Variants in ADGRB3 observed in about 807,000 individuals in gnomAD.
ADGRB3 encodes brain-specific angiogenesis inhibitor 3.
A neutral mutation model predicts 193.4 loss-of-function variants in ADGRB3; 37 were observed. The ratio of observed to expected loss-of-function variants is 0.19; its 90% CI spans 0.15 to 0.25. The LOEUF (loss-of-function observed/expected upper bound fraction) is 0.25. Among genes scored for constraint, ADGRB3 ranks in the 10% least tolerant of loss-of-function variants. ADGRB3 has a pLI of 1.00. For missense variants in ADGRB3, 1,637 were observed against 1,852.9 expected (o/e 0.88, Z 2.14); for synonymous variants, 690 against 644.2 (o/e 1.07, Z -1.08).
chr6:68,914,325 T>C (rs1294147377), intron 3 of ADGRB3, among the ~76,000 whole-genome samples: 4 of 152,088 alleles, frequency 2.6e-5, no homozygotes, highest in Non-Finnish European at 4.4e-5. Context: ...GGGAAGCCCA[T>C]CAGACTAACA....
At chr6:69,057,010 C>T (rs1448941965) in intron 15 of ADGRB3, among the ~76,000 whole-genome samples, 1 of 151,960 alleles carries the variant, frequency 6.6e-6, no homozygotes, top group Non-Finnish European at 1.5e-5. Flanking sequence ...ACATTTTAAC[C>T]ATATTAAGTC....
chr6:68,847,508 C>A (rs920289679), intron 3 of ADGRB3, among the ~76,000 whole-genome samples: 5 of 152,160 alleles, frequency 3.3e-5, no homozygotes, highest in Non-Finnish European at 7.3e-5. Context: ...TTTTCTCATG[C>A]TATTCTCATG....
chr6:69,303,076 T>C (rs1158750051), intron 20 of ADGRB3, among the ~76,000 whole-genome samples: 1 of 151,886 alleles, frequency 6.6e-6, no homozygotes. Context: ...GAAAACAAAT[T>C]GACATTAGAC....
intron 15 of ADGRB3, among the ~76,000 whole-genome samples, chr6:69,059,952 G>A (rs1771677445): frequency 6.6e-6 from 1 of 151,874 alleles, no homozygotes; most frequent in Non-Finnish European, 1.5e-5. Context: ...TACGAATGAG[G>A]ACATATAAAT....
chr6:69,114,461 C>A (rs1773465077), intron 17 of ADGRB3, among the ~76,000 whole-genome samples: 1 of 152,122 alleles, frequency 6.6e-6, no homozygotes, highest in Non-Finnish European at 1.5e-5. Flanking sequence ...TATAGGCTGC[C>A]TGTTCACTCT....
chr6:68,733,267 A>G (rs570757565), intron 3 of ADGRB3, among the ~76,000 whole-genome samples: 1 of 148,530 alleles, frequency 6.7e-6, no homozygotes. Context: ...AGGAATATGT[A>G]TATATTCCAT....
intron 3 of ADGRB3, among the ~76,000 whole-genome samples, chr6:68,821,013 C>A (rs1183193232): frequency 3.3e-5 from 5 of 152,006 alleles, no homozygotes; most frequent in Non-Finnish European, 5.9e-5. Context: ...CTTCAAATGT[C>A]ACCTTCCTTA....
intron 24 of ADGRB3, among the ~76,000 whole-genome samples, chr6:69,335,831 A>T (rs1038874552): frequency 6.6e-6 from 1 of 152,054 alleles, no homozygotes; most frequent in African/African-American, 2.4e-5. Context: ...TTAAAAACCA[A>T]ATATTGTACC....
chr6:69,024,085 T>C (rs992320179), intron 13 of ADGRB3, among the ~76,000 whole-genome samples: 1 of 152,104 alleles, frequency 6.6e-6, no homozygotes, highest in Admixed American at 6.5e-5. Context: ...GTTGAAGTCA[T>C]AAAAGTTTTT....
chr6:69,254,342 T>C (rs943764787), intron 20 of ADGRB3, among the ~76,000 whole-genome samples: 1 of 152,182 alleles, frequency 6.6e-6, no homozygotes, highest in African/African-American at 2.4e-5. Flanking sequence ...CATTTACCTA[T>C]CTGTTATTAA....
intron 20 of ADGRB3, among the ~76,000 whole-genome samples, chr6:69,264,824 T>A (rs1030819523): frequency 3.9e-5 from 6 of 152,002 alleles, no homozygotes; most frequent in Non-Finnish European, 8.8e-5. Context: ...AAACCAGCTA[T>A]TCTACAATAC....
intron 3 of ADGRB3, among the ~76,000 whole-genome samples, chr6:68,756,974 T>C (rs190823954): frequency 5.2e-4 from 79 of 152,286 alleles, no homozygotes; most frequent in African/African-American, 1.9e-3. Flanking sequence ...TCACTTCCTC[T>C]AAATAGTGGT....
chr6:68,704,120 AATT>A, intron 3 of ADGRB3, among the ~76,000 whole-genome samples: 1 of 152,332 alleles, frequency 6.6e-6, no homozygotes, highest in African/African-American at 2.4e-5. Flanking sequence ...TTTAAACATA[AATT>A]ATTATGAAAC....
intron 3 of ADGRB3, among the ~76,000 whole-genome samples, chr6:68,916,824 A>G (rs1319780965): frequency 6.6e-6 from 1 of 152,184 alleles, no homozygotes; most frequent in African/African-American, 2.4e-5. Flanking sequence ...AAGATGCAAG[A>G]TGGTCTTGAA....
chr6:69,063,030 G>A lies in ADGRB3; in HGVS notation c.2430G>A (p.Leu810=), dbSNP rs760982720. Residue 810 remains leucine, a synonymous_variant, in exon 16 of 32, where the codon TTG becomes TTA. Transcript: ENST00000370598. The stretch of plus-strand genomic sequence containing the variant: ...TTCTGGAGATAGAACTAGCTCATTT[G>A]GCTAATGTAAGTACCATCCACTGGG... ...DSFLEIELAH[L]ANGTLNPYCV... The A allele has an allele frequency of 6.4e-5, 103 of 1,609,958 alleles. No homozygotes were observed. In the Middle Eastern group the frequency reaches 8.2e-4, roughly 13 times the overall value.
chr6:68,955,976 G>A, intron 6 of ADGRB3, 48 bp from the exon 7 acceptor site: 2 of 1,589,014 alleles, frequency 1.3e-6, no homozygotes, highest in Non-Finnish European at 1.7e-6. Flanking sequence ...TGTACAGCTT[G>A]TCCTATTGGA....
At chr6:69,313,594 G>A (rs1207741392) in intron 20 of ADGRB3, among the ~76,000 whole-genome samples, 1 of 151,644 alleles carries the variant, frequency 6.6e-6, no homozygotes, top group East Asian at 1.9e-4. Context: ...CCTTGGTTTT[G>A]AGTGCCTATA....
At chr6:68,664,325 A>G (rs1768744959) in intron 3 of ADGRB3, among the ~76,000 whole-genome samples, 1 of 151,774 alleles carries the variant, frequency 6.6e-6, no homozygotes, top group East Asian at 1.9e-4. Flanking sequence ...CATCCTTCAA[A>G]TTCATATGTT....
intron 3 of ADGRB3, among the ~76,000 whole-genome samples, chr6:68,892,031 T>G (rs780445493): frequency 6.6e-6 from 1 of 152,228 alleles, no homozygotes; most frequent in Non-Finnish European, 1.5e-5. Context: ...ATGTGACTAT[T>G]GAGGAACTAT....
Sources: allele counts gnomAD v4.1 joint callset (sites outside exome capture counted in the v4.1 genomes callset), GRCh38; gene constraint gnomAD v4.1.1; transcripts MANE v1.5; gene names NCBI Gene and HGNC (gene_info 2026-07-23, HGNC 2026-07-21).